PCGF3: variants seen among roughly 807,000 people sequenced by gnomAD.
The protein encoded by PCGF3 is polycomb group RING finger protein 3.
Under a neutral mutation model 33.1 loss-of-function variants are expected in PCGF3, and 7 were observed. That is an observed-to-expected ratio of 0.21 (90% CI 0.12 to 0.40). The LOEUF is 0.40. Among genes scored for constraint, PCGF3 ranks in the 10% least tolerant of loss-of-function variants. PCGF3 has a pLI of 1.00. For missense variants in PCGF3, 211 were observed against 313.3 expected (o/e 0.67, Z 2.46); for synonymous variants, 153 against 121.3 (o/e 1.26, Z -1.72).
chr4:711,137 C>G (rs77682547), intron 1 of PCGF3, among the ~76,000 whole-genome samples: 1 of 152,156 alleles, frequency 6.6e-6, no homozygotes, highest in Non-Finnish European at 1.5e-5. Flanking sequence ...TGCCTCCTTC[C>G]GGTTCTGGGC....
intron 9 of PCGF3, chr4:762,841 T>C (rs1365640805): frequency 1.3e-5 from 2 of 152,262 alleles, no homozygotes; most frequent in African/African-American, 4.8e-5. Context: ...CGCAGGAGAC[T>C]AATTCAGAGA....
At chr4:756,513 CTT>C in intron 8 of PCGF3, among the ~76,000 whole-genome samples, 1 of 152,282 alleles carries the variant, frequency 6.6e-6, no homozygotes, top group East Asian at 1.9e-4. Flanking sequence ...GCACCCGGCT[CTT>C]TTCTAAACTC....
At chr4:708,221 G>A (rs147151392) in intron 1 of PCGF3, among the ~76,000 whole-genome samples, 433 of 152,224 alleles carry the variant, frequency 2.8e-3, no homozygotes, top group African/African-American at 0.01. Context: ...ACTTAGGGTC[G>A]GGACACTGGT....
chr4:765,905 C>T, intron 10 of PCGF3, 127 bp from the exon 11 acceptor site: 1 of 798,230 alleles, frequency 1.3e-6, no homozygotes, highest in South Asian at 1.5e-5. Flanking sequence ...ACAGAAGGGT[C>T]TCTGTGCAGC....
At chr4:726,583 C>T (rs969913759) in intron 1 of PCGF3, among the ~76,000 whole-genome samples, 4 of 152,178 alleles carry the variant, frequency 2.6e-5, no homozygotes, top group Admixed American at 6.5e-5. Flanking sequence ...TTTTCTGTCT[C>T]GTAAATCTTC....
At position 765,886 on chromosome 4, in the gene PCGF3, TTGCTCAGAA is replaced by T. The variant is rs1342969637; in HGVS notation, c.682-145_682-137del. The T allele has an allele frequency of 3.2e-5, 22 of 692,834 alleles. No homozygotes were observed. In the African/African-American group the frequency reaches 3.7e-4, roughly 12 times the overall value. The allele number at this position is 692,834 out of a possible 1,614,324, so 42.9% of individuals were successfully genotyped here. On this transcript the variant is annotated intron_variant, in intron 10 of 10. Coordinates refer to ENST00000362003, the Ensembl canonical transcript of PCGF3. ...CAGCAACTTCTGGGGGACCCTTCTG[TTGCTCAGAA>T]CAGAAGGGTCTCTGTGCAGCCCTGC...
chr4:760,245 TCTTAACACTTC>T (rs1307259729), intron 8 of PCGF3, among the ~76,000 whole-genome samples: 6 of 152,210 alleles, frequency 3.9e-5, no homozygotes, highest in African/African-American at 1.4e-4. Flanking sequence ...AGTCACTGTT[TCTTAACACTTC>T]CTTTCCTTTC....
chr4:768,214 C>A (rs1377774354), exon 11 of PCGF3: 1 of 152,686 alleles, frequency 6.5e-6, no homozygotes, highest in East Asian at 1.9e-4. Flanking sequence ...CCTGACAAAA[C>A]CTCAGCAGCA....
chr4:756,983 C>G (rs757769428), intron 8 of PCGF3: 1 of 152,158 alleles, frequency 6.6e-6, no homozygotes, highest in East Asian at 1.9e-4. Context: ...ATGCTTGTAA[C>G]TTAGTGTATT....
chr4:735,132 T>C (rs1367875201), intron 5 of PCGF3, 105 bp downstream of exon 5: 1 of 1,297,614 alleles, frequency 7.7e-7, no homozygotes, highest in African/African-American at 1.5e-5. Flanking sequence ...CATCCTGCCT[T>C]GGCAGCAGCC....
At chr4:742,929 G>C (rs566126040) in intron 6 of PCGF3, among the ~76,000 whole-genome samples, 2 of 152,358 alleles carry the variant, frequency 1.3e-5, no homozygotes, top group East Asian at 3.9e-4. Flanking sequence ...TCGGGCCCTC[G>C]AGGGCTCTCT....
At chr4:738,854 G>A (rs533695617) in intron 6 of PCGF3, among the ~76,000 whole-genome samples, 5 of 149,944 alleles carry the variant, frequency 3.3e-5, no homozygotes, top group South Asian at 4.3e-4. Flanking sequence ...GCAAGACTCC[G>A]TCTCAAAAAA....
intron 1 of PCGF3, among the ~76,000 whole-genome samples, chr4:729,099 CAAAAAAAAAAAA>C (rs34927260): frequency 9.7e-4 from 39 of 40,264 alleles, no homozygotes; most frequent in African/African-American, 3.5e-3. Context: ...GACTCCATCT[CAAAAAAAAAAAA>C]AAAAAAAAAA....
intron 8 of PCGF3, among the ~76,000 whole-genome samples, chr4:747,659 G>T (rs1396553795): frequency 2.6e-5 from 2 of 75,940 alleles, no homozygotes; most frequent in African/African-American, 1.1e-4. Flanking sequence ...GGTGGGCGGG[G>T]CCCCGGGGTC....
chr4:721,311 ACT>A lies in PCGF3; in HGVS notation c.-189-9317_-189-9316del, dbSNP rs1199340342. Among the ~76,000 whole-genome samples, 1 of 152,124 alleles carries A rather than the reference ACT, an allele frequency of 6.6e-6. No homozygotes were observed. The highest frequency in any genetic ancestry group is 1.5e-5 in the Non-Finnish European group (1 of 68,024). ...AAAGTTCCATAACTCAGCAAAACTG[ACT>A]CACAAACAACAGAAACTTCAAGGCT... is the stretch of plus-strand genomic sequence containing the variant. On this transcript the variant is annotated intron_variant, in intron 1 of 10. Transcript: ENST00000362003. This position sits in a 1 kb window ranked among gnomAD's most constrained non-coding sequence, Gnocchi z 4.1.
chr4:743,460 TTGA>T lies in PCGF3; in HGVS notation c.263-12_263-10del. The stretch of plus-strand genomic sequence containing the variant: ...TGCCTGTGAGATGAAAGACTGTGTG[TTGA>T]TTTTCCGCAGCGGAAATGAGAAAGC... On this transcript the variant is annotated splice_polypyrimidine_tract_variant and intron_variant, in intron 6 of 10. Coordinates refer to ENST00000362003, the Ensembl canonical transcript of PCGF3. 1 of 1,531,564 alleles carries T rather than the reference TTGA, an allele frequency of 6.5e-7. No individual in the cohort carries two copies. The highest frequency in any genetic ancestry group is 9.1e-7 in the Non-Finnish European group (1 of 1,104,932). 94.9% of individuals were successfully genotyped at this position (1,531,564 alleles called of 1,614,324 possible). A position where few individuals can be genotyped will look rare whatever the true frequency, so the allele number is the denominator to read the frequency against.
chr4:765,123 A>G (rs1745289275), intron 10 of PCGF3, 59 bp downstream of exon 10: 2 of 1,181,636 alleles, frequency 1.7e-6, no homozygotes, highest in African/African-American at 1.5e-5. Context: ...TTTGCTGTGC[A>G]TCTCTTATCT....
chr4:721,936 G>T lies in PCGF3; in HGVS notation c.-189-8694G>T, dbSNP rs185240700. Reference sequence around the variant, plus strand: ...TGTGGGAGGTGGGTGGACATGTGTCGCTGCATGTGGGTGTGGGGAGAGGCC... The same window carrying T: ...TGTGGGAGGTGGGTGGACATGTGTCTCTGCATGTGGGTGTGGGGAGAGGCC... On this transcript the variant is annotated intron_variant, in intron 1 of 10. Transcript: ENST00000362003. The surrounding 1 kb of genome is among the most constrained non-coding windows in gnomAD (Gnocchi z 4.1). 1.4e-5 allele frequency among the ~76,000 whole-genome samples: 2 copies of T among 144,924 alleles called. No homozygotes were observed. Among genetic ancestry groups the T allele is most frequent in the Admixed American group, 6.8e-5 (1 of 14,760 alleles).
intron 8 of PCGF3, among the ~76,000 whole-genome samples, chr4:753,602 C>T (rs560431985): frequency 1.3e-5 from 2 of 150,746 alleles, no homozygotes; most frequent in African/African-American, 2.4e-5. Context: ...GAGATCACGC[C>T]ACTGCACTCC....
Sources: gnomAD v4.1 joint callset for allele counts (sites outside exome capture counted in the v4.1 genomes callset) on GRCh38, gnomAD v4.1.1 for gene constraint, Gnocchi (gnomAD v3.1) non-coding constraint, MANE v1.5 for transcripts, NCBI Gene and HGNC (gene_info 2026-07-23, HGNC 2026-07-21) for gene names.